Variants in KAT2B observed in about 807,000 individuals in gnomAD.
The protein encoded by KAT2B is lysine acetyltransferase 2B.
A neutral mutation model predicts 105.9 loss-of-function variants in KAT2B; 36 were observed. The ratio of observed to expected loss-of-function variants is 0.34; its 90% CI spans 0.26 to 0.45. The LOEUF (loss-of-function observed/expected upper bound fraction) is 0.45, where lower values mean the gene tolerates loss of function less well. Among genes scored for constraint, KAT2B ranks in the 20% least tolerant of loss-of-function variants. The pLI is 1.00. For missense variants in KAT2B, 820 were observed against 1,021.6 expected (o/e 0.80, Z 2.69); for synonymous variants, 397 against 377.9 (o/e 1.05, Z -0.59).
intron 6 of KAT2B, 146 bp from the exon 7 acceptor site, chr3:20,114,736 A>T: frequency 1.7e-6 from 1 of 589,160 alleles, no homozygotes; most frequent in African/African-American, 1.9e-5. Context: ...CTGCCCAACT[A>T]AATCATAATT....
intron 12 of KAT2B, 61 bp from the exon 13 acceptor site, chr3:20,140,156 ATAGT>A: frequency 9.8e-7 from 1 of 1,021,194 alleles, no homozygotes; most frequent in Non-Finnish European, 1.5e-6. Flanking sequence ...TGCCTGGAAC[ATAGT>A]TAGCACTCAG....
At chr3:20,121,734 GT>G in intron 8 of KAT2B, among the ~76,000 whole-genome samples, 1 of 19,928 alleles carries the variant, frequency 5.0e-5, no homozygotes. Flanking sequence ...ATATGCATAT[GT>G]GTGTGTGTGT....
In KAT2B at chr3:20,072,377, C is replaced by T. The variant is rs766871792; in HGVS notation, c.348C>T (p.Pro116=). The change falls in exon 2 of 18, where the codon CCC becomes CCT. Residue 116 remains proline, a synonymous_variant. Coordinates refer to ENST00000263754, the MANE Select transcript of KAT2B (RefSeq NM_003884.5). The stretch of plus-strand genomic sequence containing the variant: ...GTAATGGCTGGAAAAACCCTAACCC[C>T]TCACCCACTCCCCCCAGAGCCGACC... The part of the protein sequence containing the change: ...CKCNGWKNPN[P]SPTPPRADLQ... 3 of 1,613,204 alleles carry T rather than the reference C, an allele frequency of 1.9e-6. No homozygotes were observed. The highest frequency in any genetic ancestry group is 4.5e-5 in the East Asian group (2 of 44,882).
intron 2 of KAT2B, among the ~76,000 whole-genome samples, chr3:20,090,464 A>G (rs1698696976): frequency 1.3e-5 from 2 of 152,142 alleles, no homozygotes; most frequent in African/African-American, 2.4e-5. Context: ...AGATTACCAT[A>G]TGATTTTTCT....
intron 3 of KAT2B, among the ~76,000 whole-genome samples, 191 bp from the exon 4 acceptor site, chr3:20,099,671 C>T (rs1698873945): frequency 6.6e-6 from 1 of 151,794 alleles, no homozygotes; most frequent in Non-Finnish European, 1.5e-5. Flanking sequence ...CTGATAGTTG[C>T]CCATTTTATT....
At position 20,062,025 on chromosome 3, in the gene KAT2B, C is replaced by CA. The variant is rs1698119997; in HGVS notation, c.304-10307dup. ...CATATAATATATATTATATATAAAA[C>CA]ATAATATATATTATATATAAAACAT... is the stretch of plus-strand genomic sequence containing the variant. On this transcript the variant is annotated intron_variant, in intron 1 of 17. Coordinates refer to ENST00000263754, the MANE Select transcript of KAT2B (RefSeq NM_003884.5). Among the ~76,000 whole-genome samples the CA allele has an allele frequency of 5.4e-5, 2 of 36,858 alleles. 1 individual carries two copies. The highest frequency in any genetic ancestry group is 7.6e-5 in the Non-Finnish European group (2 of 26,450). The allele number at this position is 36,858 out of a possible 152,430, so 24.2% of individuals were successfully genotyped here.
intron 13 of KAT2B, among the ~76,000 whole-genome samples, chr3:20,143,892 G>A (rs1027065274): frequency 4.6e-5 from 7 of 152,180 alleles, no homozygotes. Context: ...AGAGGCAAGA[G>A]AGGGAGAGGA....
intron 2 of KAT2B, among the ~76,000 whole-genome samples, chr3:20,073,462 C>T (rs1575117422): frequency 6.6e-6 from 1 of 152,248 alleles, no homozygotes; most frequent in Non-Finnish European, 1.5e-5. Context: ...TTATTTTGTA[C>T]TCAGAGAGTA....
At chr3:20,088,993 G>C (rs1006869099) in intron 2 of KAT2B, among the ~76,000 whole-genome samples, 2 of 152,168 alleles carry the variant, frequency 1.3e-5, no homozygotes, top group Admixed American at 6.5e-5. Context: ...TTATTGAAGA[G>C]ACTGTCCCTT....
chr3:20,065,781 T>A (rs1006981621), intron 1 of KAT2B, among the ~76,000 whole-genome samples: 23 of 152,158 alleles, frequency 1.5e-4, no homozygotes, highest in Admixed American at 6.5e-4. Flanking sequence ...TTTAAAGAGT[T>A]AGGACCACTT....
intron 7 of KAT2B, among the ~76,000 whole-genome samples, chr3:20,118,083 T>A (rs1485914572): frequency 6.6e-6 from 1 of 150,742 alleles, no homozygotes; most frequent in African/African-American, 2.4e-5. Flanking sequence ...ATCCCTTCTT[T>A]TTCTCTTTAA....
intron 1 of KAT2B, among the ~76,000 whole-genome samples, chr3:20,062,378 T>TATAACATAATAAATTATATATTATATAA (rs1698150374): frequency 1.2e-5 from 1 of 82,816 alleles, no homozygotes. Context: ...TTATAATATA[T>TATAACATAATAAATTATATATTATATAA]TATATATAAC....
intron 13 of KAT2B, among the ~76,000 whole-genome samples, chr3:20,141,802 G>T (rs1337598990): frequency 2.3e-5 from 3 of 130,640 alleles, no homozygotes; most frequent in African/African-American, 8.5e-5. Context: ...TTTTTTTTTG[G>T]AAAATACAAA....
At chr3:20,129,140 A>G (rs1699464196) in intron 11 of KAT2B, among the ~76,000 whole-genome samples, 1 of 152,144 alleles carries the variant, frequency 6.6e-6, no homozygotes, top group African/African-American at 2.4e-5. Context: ...TGTGTCCAAT[A>G]GAAATATAAA....
In KAT2B at chr3:20,081,997, C is replaced by G. The variant is rs192935960; in HGVS notation, c.430+9538C>G. Among the ~76,000 whole-genome samples the G allele has an allele frequency of 5.3e-4, 80 of 151,390 alleles. 1 individual carries two copies. The highest frequency in any genetic ancestry group is 4.1e-3 in the Admixed American group (62 of 15,174). ...AATAAGTTACTTATATATCATAGCC[C>G]TTCCTCCCCTAAATATTTCAATATA... On this transcript the variant is annotated intron_variant, in intron 2 of 17. Transcript: ENST00000263754.
intron 2 of KAT2B, among the ~76,000 whole-genome samples, chr3:20,078,568 C>T (rs544910473): frequency 4.9e-4 from 74 of 151,490 alleles, no homozygotes; most frequent in Non-Finnish European, 8.8e-4. Flanking sequence ...TTGGTAGAGA[C>T]GGATTTTGTT....
At chr3:20,136,193 C>G (rs1378970575) in intron 11 of KAT2B, among the ~76,000 whole-genome samples, 1 of 152,192 alleles carries the variant, frequency 6.6e-6, no homozygotes, top group Non-Finnish European at 1.5e-5. Flanking sequence ...GGTCTGGACA[C>G]TTGGATTTAC....
intron 17 of KAT2B, 97 bp downstream of exon 17, chr3:20,148,584 A>C: frequency 1.1e-6 from 1 of 872,714 alleles, no homozygotes; most frequent in Non-Finnish European, 1.8e-6. Context: ...TCCTCTGCTT[A>C]GGGTAGGAAG....
chr3:20,122,886 T>C, intron 9 of KAT2B, 82 bp downstream of exon 9: 1 of 1,513,446 alleles, frequency 6.6e-7, no homozygotes, highest in Non-Finnish European at 8.8e-7. Flanking sequence ...GTGGGGATGC[T>C]AATGCTGAGA....
Sources: gnomAD v4.1 joint callset for allele counts (sites outside exome capture counted in the v4.1 genomes callset) on GRCh38, gnomAD v4.1.1 for gene constraint, MANE v1.5 for transcripts, NCBI Gene and HGNC (gene_info 2026-07-23, HGNC 2026-07-21) for gene names.